Variants in CCBE1 observed in about 807,000 individuals in gnomAD.
The protein encoded by CCBE1 is collagen and calcium binding EGF domains 1, also known as collagen and calcium-binding EGF domain-containing protein 1.
CCBE1 carries 37 observed loss-of-function variants against 50.0 expected under a neutral mutation model. The observed-to-expected ratio is 0.74, with a 90% CI of 0.57 to 0.97. CCBE1 has a LOEUF of 0.97. Among genes scored for constraint, CCBE1 ranks in the 50% least tolerant of loss-of-function variants. CCBE1 has a pLI of 0.00. For synonymous variants in CCBE1, 234 were observed against 203.7 expected, an observed-to-expected ratio of 1.15 and a Z score of -1.27; for missense variants, 538 against 523.8, an observed-to-expected ratio of 1.03 and a Z score of -0.26.
intron 2 of CCBE1, among the ~76,000 whole-genome samples, chr18:59,582,842 G>T (rs116745117): frequency 0.012 from 1,790 of 152,194 alleles, 32 homozygotes; most frequent in African/African-American, 0.041. Context: ...CTTAAGGCAG[G>T]TTGTCTGTCA....
At chr18:59,532,365 G>T (rs1221632916) in intron 2 of CCBE1, among the ~76,000 whole-genome samples, 2 of 152,168 alleles carry the variant, frequency 1.3e-5, no homozygotes, top group African/African-American at 4.8e-5. Context: ...TTTATATGGA[G>T]AATGTCTAGA....
At chr18:59,577,782 G>T (rs1257390628) in intron 2 of CCBE1, among the ~76,000 whole-genome samples, 4 of 152,148 alleles carry the variant, frequency 2.6e-5, no homozygotes, top group African/African-American at 7.2e-5. Context: ...AGTCACAAAG[G>T]AAAGCCAATC....
intron 2 of CCBE1, among the ~76,000 whole-genome samples, chr18:59,601,415 C>T (rs1008714344): frequency 7.2e-5 from 11 of 152,168 alleles, no homozygotes; most frequent in Admixed American, 3.9e-4. Flanking sequence ...CCTGCACACA[C>T]TCTCTTGCCT....
chr18:59,691,488 C>T (rs1316445207), intron 2 of CCBE1, among the ~76,000 whole-genome samples: 2 of 152,246 alleles, frequency 1.3e-5, no homozygotes, highest in Non-Finnish European at 2.9e-5. Flanking sequence ...TCACCACAAC[C>T]TCCGCCTCCC....
chr18:59,468,452 G>T (rs1056065425), intron 4 of CCBE1, among the ~76,000 whole-genome samples: 1 of 152,130 alleles, frequency 6.6e-6, no homozygotes, highest in Non-Finnish European at 1.5e-5. Flanking sequence ...TTGTGCCTGG[G>T]ACCTGAGCCT....
chr18:59,696,649 G>C lies in CCBE1; in HGVS notation c.192C>G (p.Gly64=), dbSNP rs1375453837. The change falls in exon 2 of 11, where the codon GGC becomes GGG. Residue 64 remains glycine (G), a synonymous_variant. Coordinates refer to ENST00000439986, the MANE Select transcript of CCBE1 (RefSeq NM_133459.4). ...TTKYPCLKSS[G]ELTTCYRKKC... The stretch of plus-strand genomic sequence containing the variant: ...CTTACCTGTAGCATGTGGTGAGCTC[G>C]CCTGAAGACTTCAGACACGGGTATT... The C allele has an allele frequency of 6.2e-7, 1 of 1,614,022 alleles. No individual in the cohort carries two copies. The highest frequency in any genetic ancestry group is 8.5e-7 in the Non-Finnish European group (1 of 1,179,968).
chr18:59,580,833 T>C (rs981905935), intron 2 of CCBE1, among the ~76,000 whole-genome samples: 1 of 152,194 alleles, frequency 6.6e-6, no homozygotes, highest in Non-Finnish European at 1.5e-5. Context: ...GCCACACATC[T>C]GTGGGTGACT....
intron 7 of CCBE1, 138 bp downstream of exon 7, chr18:59,447,845 G>T: frequency 1.6e-6 from 2 of 1,281,896 alleles, no homozygotes; most frequent in Non-Finnish European, 2.2e-6. Flanking sequence ...TTGCATGGGT[G>T]TGTGGCAGTC....
At chr18:59,471,585 C>A (rs369398085) in intron 3 of CCBE1, among the ~76,000 whole-genome samples, 144 of 152,250 alleles carry the variant, frequency 9.5e-4, no homozygotes, top group African/African-American at 3.3e-3. Context: ...AAAAGAATTA[C>A]CTTGTATATT....
At chr18:59,523,943 C>T (rs138509449) in intron 2 of CCBE1, among the ~76,000 whole-genome samples, 16 of 152,340 alleles carry the variant, frequency 1.1e-4, no homozygotes, top group Admixed American at 1.0e-3. Context: ...CTTTCTGTGA[C>T]TATCTGAACT....
intron 2 of CCBE1, among the ~76,000 whole-genome samples, chr18:59,560,626 C>T (rs1369940292): frequency 6.6e-6 from 1 of 152,178 alleles, no homozygotes; most frequent in Non-Finnish European, 1.5e-5. Flanking sequence ...AAAAGACCTA[C>T]ATGGGATTAA....
At chr18:59,597,259 AC>A (rs1428111216) in intron 2 of CCBE1, among the ~76,000 whole-genome samples, 1 of 152,252 alleles carries the variant, frequency 6.6e-6, no homozygotes, top group Non-Finnish European at 1.5e-5. Context: ...TGAGGATTAA[AC>A]AAGGTAATTC....
At chr18:59,658,999 C>A (rs2054246582) in intron 2 of CCBE1, among the ~76,000 whole-genome samples, 1 of 150,512 alleles carries the variant, frequency 6.6e-6, no homozygotes, top group African/African-American at 2.4e-5. Flanking sequence ...AAAAGCTCAA[C>A]TAATCTCCAT....
chr18:59,679,228 C>T (rs2054552599), intron 2 of CCBE1, among the ~76,000 whole-genome samples: 1 of 152,066 alleles, frequency 6.6e-6, no homozygotes, highest in Admixed American at 6.5e-5. Context: ...AGAAACTTGC[C>T]CAGAATTAAC....
In CCBE1 at chr18:59,454,954, G is replaced by A. The variant is rs1911116370; in HGVS notation, c.554-3C>T. On this transcript the variant is annotated splice_polypyrimidine_tract_variant and splice_region_variant and intron_variant, in intron 5 of 10. Coordinates refer to ENST00000439986, the MANE Select transcript of CCBE1 (RefSeq NM_133459.4). ...CATGTTCTCAGACTTCTCATGGCCT[G>A]AGAAAGGAGATAGGCTCAGTCCTGT... The A allele has an allele frequency of 2.5e-6, 4 of 1,612,782 alleles. No homozygotes were observed. The Middle Eastern group carries it at 5.0e-4, about 200-fold the overall frequency.
intron 2 of CCBE1, among the ~76,000 whole-genome samples, chr18:59,488,775 G>T (rs1215709614): frequency 6.6e-6 from 1 of 152,112 alleles, no homozygotes; most frequent in Non-Finnish European, 1.5e-5. Flanking sequence ...TTGGGGTGAG[G>T]GTTACATGAG....
chr18:59,495,673 T>G (rs1054622718), intron 2 of CCBE1, among the ~76,000 whole-genome samples: 1 of 151,768 alleles, frequency 6.6e-6, no homozygotes, highest in African/African-American at 2.4e-5. Context: ...TGAGCAGCTA[T>G]GACTTGGAAG....
At chr18:59,535,544 T>C (rs1915213373) in intron 2 of CCBE1, among the ~76,000 whole-genome samples, 1 of 152,042 alleles carries the variant, frequency 6.6e-6, no homozygotes, top group South Asian at 2.1e-4. Flanking sequence ...CAGTCTGAAG[T>C]ATGGGAGGGG....
At chr18:59,652,227 C>G (rs2054136006) in intron 2 of CCBE1, among the ~76,000 whole-genome samples, 1 of 152,094 alleles carries the variant, frequency 6.6e-6, no homozygotes, top group Non-Finnish European at 1.5e-5. Flanking sequence ...TTCCATTTCA[C>G]TTACATACTA....
Sources: gnomAD v4.1 joint callset for allele counts (sites outside exome capture counted in the v4.1 genomes callset) on GRCh38, gnomAD v4.1.1 for gene constraint, MANE v1.5 for transcripts, NCBI Gene and HGNC (gene_info 2026-07-23, HGNC 2026-07-21) for gene names.